Variants in DENND4C observed in about 807,000 individuals in gnomAD.
DENND4C encodes the protein DENN domain containing 4C, also known as DENN domain-containing protein 4C.
Under a neutral mutation model 203.0 loss-of-function variants are expected in DENND4C, and 108 were observed. The ratio of observed to expected loss-of-function variants is 0.53; its 90% confidence interval spans 0.46 to 0.62. DENND4C has a LOEUF of 0.62. Among genes scored for constraint, DENND4C ranks in the 20% least tolerant of loss-of-function variants. The probability of loss-of-function intolerance (pLI) is 0.00; values close to 1 mark genes in which losing one functional copy is unlikely to be tolerated. For missense variants in DENND4C, 2,481 were observed against 2,301.2 expected (o/e 1.08, Z -1.60); for synonymous variants, 871 against 792.4 (o/e 1.10, Z -1.67).
intron 1 of DENND4C, among the ~76,000 whole-genome samples, chr9:19,250,463 G>A (rs1044470794): frequency 2.6e-5 from 4 of 151,990 alleles, no homozygotes; most frequent in South Asian, 2.1e-4. Context: ...CTAATCTCAA[G>A]TGATCTGCCC....
intron 1 of DENND4C, among the ~76,000 whole-genome samples, chr9:19,246,298 C>G (rs1236408473): frequency 6.6e-6 from 1 of 152,156 alleles, no homozygotes; most frequent in African/African-American, 2.4e-5. Flanking sequence ...AATACGCTAG[C>G]TCGTCTCACT....
intron 5 of DENND4C, among the ~76,000 whole-genome samples, chr9:19,295,435 G>A (rs991104972): frequency 5.9e-5 from 9 of 152,056 alleles, no homozygotes; most frequent in African/African-American, 2.2e-4. Flanking sequence ...AACCCAGGAG[G>A]TGGAGCTTGC....
intron 10 of DENND4C, among the ~76,000 whole-genome samples, chr9:19,315,383 G>A (rs1803886257): frequency 6.6e-6 from 1 of 151,560 alleles, no homozygotes; most frequent in South Asian, 2.1e-4. Flanking sequence ...TTTCTTGCCA[G>A]CTTAACCATG....
chr9:19,359,398 A>G (rs1354628846), intron 28 of DENND4C, among the ~76,000 whole-genome samples: 1 of 151,704 alleles, frequency 6.6e-6, no homozygotes, highest in Non-Finnish European at 1.5e-5. Context: ...CTTTATATCT[A>G]TTGCTGTTTT....
At chr9:19,349,759 T>C (rs1231282869) in intron 23 of DENND4C, among the ~76,000 whole-genome samples, 2 of 152,168 alleles carry the variant, frequency 1.3e-5, no homozygotes, top group East Asian at 3.9e-4. Flanking sequence ...AAATACATAA[T>C]AGTATATCAG....
chr9:19,305,536 A>T lies in DENND4C; in HGVS notation c.1487+9A>T. ...ACGAACATGTTATATGTGTAAGTTG[A>T]TTCATTTTATATTATCTCCCATTTA... On this transcript the variant is annotated intron_variant, in intron 10 of 32. Coordinates refer to ENST00000434457, the MANE Select transcript of DENND4C (RefSeq NM_001330640.2). The T allele has an allele frequency of 3.7e-6, 6 of 1,604,998 alleles. No individual in the cohort carries two copies. Among genetic ancestry groups the T allele is most frequent in the Non-Finnish European group, 5.1e-6 (6 of 1,176,904 alleles).
At chr9:19,299,176 T>C in intron 7 of DENND4C, 53 bp from the exon 8 acceptor site, 1 of 1,368,626 alleles carries the variant, frequency 7.3e-7, no homozygotes, top group Non-Finnish European at 1.0e-6. Flanking sequence ...GAAACTTATC[T>C]CTTGGTTTGG....
chr9:19,339,167 G>A (rs1023041190), intron 20 of DENND4C, among the ~76,000 whole-genome samples: 2 of 152,076 alleles, frequency 1.3e-5, no homozygotes, highest in African/African-American at 2.4e-5. Flanking sequence ...ATGTGAGCAG[G>A]TTACATACAT....
chr9:19,294,061 G>A lies in DENND4C; in HGVS notation c.802-1947G>A, dbSNP rs112196103. On this transcript the variant is annotated intron_variant, in intron 5 of 32. Coordinates refer to ENST00000434457, the MANE Select transcript of DENND4C (RefSeq NM_001330640.2). ...ACTTTTGAAAATATTGGTTTGAGAT[G>A]CCTGTATGACATCCAGGTGGAGATT... is the stretch of plus-strand genomic sequence containing the variant. Among the ~76,000 whole-genome samples the A allele has an allele frequency of 2.2e-3, 331 of 152,274 alleles. 3 individuals are homozygous for A. The highest frequency in any genetic ancestry group is 3.9e-3 in the South Asian group (19 of 4,826).
Position 19,346,842 on chromosome 9 carries a change from G to T in DENND4C, c.4073G>T (p.Arg1358Leu), listed in dbSNP as rs148378007. Residue 1358 changes from arginine to leucine, a missense_variant, in exon 23 of 33, where the codon CGT becomes CTT. Arg to Leu is a moderately radical substitution (Grantham distance 102). This residue lies in a region of DENND4C where 2,289 missense variants were observed against 2,113.3 expected (regional missense o/e 1.08). Transcript: ENST00000434457. Reference sequence around the variant, plus strand: ...TCCAGGTCTAAAACTTTTACTGGGCGTTTCAAGCAGCAAACCCCCTCTCGA... The same window carrying T: ...TCCAGGTCTAAAACTTTTACTGGGCTTTTCAAGCAGCAAACCCCCTCTCGA... ...AVSRSKTFTG[R>L]FKQQTPSRTH... 6.2e-7 allele frequency: 1 copy of T among 1,614,200 alleles called. No homozygotes were observed. The highest frequency in any genetic ancestry group is 8.5e-7 in the Non-Finnish European group (1 of 1,180,032).
Position 19,373,884 on chromosome 9 carries a change from G to A in DENND4C, c.*1711G>A, listed in dbSNP as rs1829243822. 6.6e-6 allele frequency among the ~76,000 whole-genome samples: 1 copy of A among 152,020 alleles called. No homozygotes were observed. Among genetic ancestry groups the A allele is most frequent in the East Asian group, 1.9e-4 (1 of 5,190 alleles). On this transcript the variant is annotated 3_prime_UTR_variant, in exon 33 of 33. Coordinates refer to ENST00000434457, the MANE Select transcript of DENND4C (RefSeq NM_001330640.2). ...TTGTACCAGTCTTTCAACATTTCAGGGTTAATCTGACCTATGCAGAATTCT... is the reference window on the plus strand; with the variant it reads ...TTGTACCAGTCTTTCAACATTTCAGAGTTAATCTGACCTATGCAGAATTCT...
chr9:19,235,685 A>G (rs1230545933), intron 1 of DENND4C, among the ~76,000 whole-genome samples: 1 of 137,948 alleles, frequency 7.2e-6, no homozygotes, highest in Admixed American at 8.3e-5. Flanking sequence ...ATCTCAGCTC[A>G]CTGCAAGCTC....
chr9:19,274,638 T>G (rs1036417595), intron 1 of DENND4C, among the ~76,000 whole-genome samples: 10 of 152,180 alleles, frequency 6.6e-5, no homozygotes, highest in Non-Finnish European at 1.0e-4. Context: ...GTTTTATTGG[T>G]TGTTGTTTCT....
intron 7 of DENND4C, 86 bp downstream of exon 7, chr9:19,298,208 T>A (rs1279843332): frequency 1.6e-6 from 2 of 1,212,916 alleles, no homozygotes; most frequent in Non-Finnish European, 2.4e-6. Flanking sequence ...CCTTTGGGTT[T>A]GAGGTGGAGC....
At chr9:19,232,990 C>G (rs1245215792) in intron 1 of DENND4C, among the ~76,000 whole-genome samples, 3 of 150,942 alleles carry the variant, frequency 2.0e-5, no homozygotes, top group Non-Finnish European at 4.4e-5. Context: ...AGTTTGAAAG[C>G]TAGGGGAATC....
At chr9:19,294,515 C>T (rs963045212) in intron 5 of DENND4C, among the ~76,000 whole-genome samples, 6 of 152,074 alleles carry the variant, frequency 3.9e-5, no homozygotes, top group African/African-American at 1.2e-4. Context: ...ACCATATGAT[C>T]GAGCAGTTTC....
intron 2 of DENND4C, among the ~76,000 whole-genome samples, chr9:19,280,901 C>T (rs964922533): frequency 1.2e-4 from 18 of 152,066 alleles, no homozygotes; most frequent in African/African-American, 3.4e-4. Flanking sequence ...CCACCATACC[C>T]GGCTAAGTTT....
intron 16 of DENND4C, 91 bp from the exon 17 acceptor site, chr9:19,331,887 T>C: frequency 8.1e-7 from 1 of 1,234,458 alleles, no homozygotes; most frequent in Non-Finnish European, 1.1e-6. Flanking sequence ...GGTCAAGTTT[T>C]ACTTAAATTC....
At chr9:19,336,438 A>C in intron 19 of DENND4C, 24 bp downstream of exon 19, 1 of 1,600,414 alleles carries the variant, frequency 6.2e-7, no homozygotes, top group African/African-American at 1.3e-5. Flanking sequence ...TTAGAAATAT[A>C]ATTCCTTACT....
Sources: gnomAD v4.1 joint callset for allele counts (sites outside exome capture counted in the v4.1 genomes callset) on GRCh38, gnomAD v4.1.1 for gene constraint, gnomAD v4.1.1 regional missense constraint, MANE v1.5 for transcripts, NCBI Gene and HGNC (gene_info 2026-07-23, HGNC 2026-07-21) for gene names.